Variants in CARD10 observed in about 807,000 individuals in gnomAD.
CARD10 encodes the protein caspase recruitment domain-containing protein 10.
CARD10 carries 49 observed loss-of-function variants against 114.6 expected under a neutral mutation model. The observed-to-expected ratio is 0.43, with a 90% CI of 0.34 to 0.54. The LOEUF is 0.54. CARD10 is among the 20% of genes least tolerant of loss of function. CARD10 has a pLI of 0.03. For missense variants in CARD10, 1,206 were observed against 1,397.2 expected (o/e 0.86, Z 2.18); for synonymous variants, 602 against 593.2 (o/e 1.01, Z -0.21).
At chr22:37,491,904 C>G in intron 18 of CARD10, 37 bp from the exon 19 acceptor site, 1 of 1,420,252 alleles carries the variant, frequency 7.0e-7, no homozygotes, top group Non-Finnish European at 9.9e-7. Context: ...TACTCCTGGG[C>G]CACAGACATC....
chr22:37,518,459 T>G (rs1341829464), intron 1 of CARD10, among the ~76,000 whole-genome samples: 1 of 152,154 alleles, frequency 6.6e-6, no homozygotes, highest in African/African-American at 2.4e-5. Context: ...AATTCCACCA[T>G]TAAAGACCAT....
intron 3 of CARD10, among the ~76,000 whole-genome samples, chr22:37,514,204 T>C (rs1303145475): frequency 6.6e-6 from 1 of 151,706 alleles, no homozygotes; most frequent in Non-Finnish European, 1.5e-5. Flanking sequence ...ATGGGGAAGA[T>C]AGTGTTGTCC....
In CARD10 at chr22:37,518,979, G is replaced by T; in HGVS notation, c.222C>A (p.Arg74=). 6.5e-7 allele frequency: 1 copy of T among 1,546,014 alleles called. No individual in the cohort carries two copies. Among genetic ancestry groups the T allele is most frequent in the Non-Finnish European group, 8.7e-7 (1 of 1,149,110 alleles). The change falls in exon 1 of 20, where the codon CGC becomes CGA. Residue 74 remains arginine (R), a synonymous_variant. Coordinates refer to ENST00000251973, the MANE Select transcript of CARD10 (RefSeq NM_014550.4). ...EVLSTYRFPC[R]VNRTGRLMDI... ...CCCGCGGCTCACCGGTGCGGTTGAC[G>T]CGGCACGGGAAGCGGTAGGTGCTCA...
Position 37,491,453 on chromosome 22 carries a change from G to A in CARD10, c.2865-60C>T. 3.2e-6 allele frequency: 4 copies of A among 1,255,684 alleles called. No homozygotes were observed. In the South Asian group the frequency reaches 4.7e-5, roughly 15 times the overall value. The allele number at this position is 1,255,684 out of a possible 1,614,324, so 77.8% of individuals were successfully genotyped here. On this transcript the variant is annotated intron_variant, in intron 19 of 19. Transcript: ENST00000251973. The stretch of plus-strand genomic sequence containing the variant: ...GGGACCAAGACAGACAGAGAGACAG[G>A]GAGAGAGGGACAGACAAAGGGGGAA...
At chr22:37,517,929 A>C (rs73416266) in intron 2 of CARD10, 42 bp downstream of exon 2, 83,814 of 1,599,080 alleles carry the variant, frequency 0.052, 4,158 homozygotes, top group African/African-American at 0.26. Flanking sequence ...GAGCCTGTGC[A>C]CTGGAGTCCG....
chr22:37,518,917 C>T, intron 1 of CARD10, 49 bp downstream of exon 1: 3 of 1,476,006 alleles, frequency 2.0e-6, no homozygotes, highest in Non-Finnish European at 2.7e-6. Flanking sequence ...CGCTGCGCCC[C>T]AGGGCACGGC....
chr22:37,504,037 T>C, intron 9 of CARD10, 149 bp downstream of exon 9: 3 of 731,960 alleles, frequency 4.1e-6, no homozygotes, highest in Non-Finnish European at 7.5e-6. Context: ...TCACAGGACC[T>C]GGGTTTCCAG....
intron 11 of CARD10, among the ~76,000 whole-genome samples, chr22:37,498,838 G>A (rs1233373379): frequency 1.4e-5 from 2 of 142,948 alleles, no homozygotes; most frequent in Non-Finnish European, 3.0e-5. Context: ...GCTGCTGAGC[G>A]TCAGTTACCA....
At chr22:37,513,747 G>A (rs956567390) in intron 3 of CARD10, among the ~76,000 whole-genome samples, 10 of 152,146 alleles carry the variant, frequency 6.6e-5, no homozygotes, top group Non-Finnish European at 1.3e-4. Flanking sequence ...GGTAAAGAAA[G>A]GGGAGCACTC....
At chr22:37,507,746 T>C (rs1017705203) in intron 6 of CARD10, 83 bp downstream of exon 6, 3 of 1,542,044 alleles carry the variant, frequency 1.9e-6, no homozygotes, top group Admixed American at 3.4e-5. Flanking sequence ...TCTACCATTC[T>C]AGTCCCCTCC....
At chr22:37,507,668 G>A (rs1312412062) in intron 6 of CARD10, among the ~76,000 whole-genome samples, 161 bp downstream of exon 6, 1 of 152,194 alleles carries the variant, frequency 6.6e-6, no homozygotes, top group Non-Finnish European at 1.5e-5. Flanking sequence ...AGGGCTCCAG[G>A]TCTCCTGTCT....
At chr22:37,500,850 T>C (rs558929312) in intron 11 of CARD10, among the ~76,000 whole-genome samples, 6 of 152,174 alleles carry the variant, frequency 3.9e-5, no homozygotes, top group African/African-American at 1.4e-4. Context: ...CGCGAGCATA[T>C]GCTGACATCC....
chr22:37,510,238 G>C lies in CARD10; in HGVS notation c.883C>G (p.Arg295Gly). Residue 295 changes from arginine (R) to glycine (G), a missense_variant, in exon 4 of 20, where the codon CGG becomes GGG. Physicochemically the swap from Arg to Gly is moderately radical, Grantham distance 125. Around this residue, in one of 2 missense-constraint regions of CARD10, gnomAD observed 1,068 missense variants for 1,179.1 expected, o/e 0.91. Coordinates refer to ENST00000251973, the MANE Select transcript of CARD10 (RefSeq NM_014550.4). ...AENQRLTASL[R>G]ELQEGLQQEA... ...TGCTGCAGGCCCTCCTGCAACTCCC[G>C]CAGTGACGCCGTCAGCCGCTGGTTC... 6.2e-7 allele frequency: 1 copy of C among 1,601,262 alleles called. No homozygotes were observed. The highest frequency in any genetic ancestry group is 8.5e-7 in the Non-Finnish European group (1 of 1,179,774).
At position 37,510,236 on chromosome 22, in the gene CARD10, C is replaced by T. The variant is rs1250705321; in HGVS notation, c.885G>A (p.Arg295=). 1 of 1,601,690 alleles carries T rather than the reference C, an allele frequency of 6.2e-7. No individual in the cohort carries two copies. Among genetic ancestry groups the T allele is most frequent in the Non-Finnish European group, 8.5e-7 (1 of 1,179,948 alleles). The change falls in exon 4 of 20, where the codon CGG becomes CGA. Residue 295 remains arginine (R), a synonymous_variant. Transcript: ENST00000251973. ...AENQRLTASL[R]ELQEGLQQEA... ...CCTGCTGCAGGCCCTCCTGCAACTC[C>T]CGCAGTGACGCCGTCAGCCGCTGGT...
intron 2 of CARD10, among the ~76,000 whole-genome samples, chr22:37,517,750 G>A (rs1231993228): frequency 6.6e-6 from 1 of 152,196 alleles, no homozygotes; most frequent in Non-Finnish European, 1.5e-5. Context: ...CGAAGAAAGA[G>A]CCATCTTAAG....
chr22:37,492,531 T>A lies in CARD10; in HGVS notation c.2655A>T (p.Glu885Asp), dbSNP rs1253831714. The A allele has an allele frequency of 6.2e-7, 1 of 1,603,342 alleles. No individual in the cohort carries two copies. The highest frequency in any genetic ancestry group is 8.5e-7 in the Non-Finnish European group (1 of 1,173,710). Reference protein sequence around the residue: ...VCPAESLSGEELCPSSAPGAP... With the variant: ...VCPAESLSGEDLCPSSAPGAP... ...CTCCAGGCGCTGAGGATGGGCACAGTTCCTCCCCAGAGAGGCTTTCTGCAC... is the reference window on the plus strand; with the variant it reads ...CTCCAGGCGCTGAGGATGGGCACAGATCCTCCCCAGAGAGGCTTTCTGCAC... The change falls in exon 18 of 20, where the codon GAA (glutamate) becomes GAT (aspartate). Residue 885 changes from glutamate to aspartate, a missense_variant. By Grantham distance (45) the Glu-to-Asp change is conservative (BLOSUM62 2). Around this residue, in one of 2 missense-constraint regions of CARD10, gnomAD observed 1,068 missense variants for 1,179.1 expected, o/e 0.91. Coordinates refer to ENST00000251973, the MANE Select transcript of CARD10 (RefSeq NM_014550.4). This position sits in a 1 kb window ranked among gnomAD's most constrained non-coding sequence, Gnocchi z 5.7.
intron 11 of CARD10, among the ~76,000 whole-genome samples, chr22:37,499,231 AGCT>A (rs1310752386): frequency 6.6e-6 from 1 of 151,720 alleles, no homozygotes; most frequent in Non-Finnish European, 1.5e-5. Context: ...CAAACGGCCC[AGCT>A]GCTCAGCCGC....
chr22:37,503,578 T>A (rs1297059376), intron 9 of CARD10, among the ~76,000 whole-genome samples: 1 of 152,108 alleles, frequency 6.6e-6, no homozygotes, highest in African/African-American at 2.4e-5. Context: ...GCCTCCTAAA[T>A]TAAACCATGA....
At chr22:37,498,596 G>C (rs995832649) in intron 11 of CARD10, among the ~76,000 whole-genome samples, 31 of 152,216 alleles carry the variant, frequency 2.0e-4, no homozygotes, top group Admixed American at 8.5e-4. Flanking sequence ...GGCACTGCTG[G>C]GGAACAGCCC....
Sources: allele counts gnomAD v4.1 joint callset (sites outside exome capture counted in the v4.1 genomes callset), GRCh38; gene constraint gnomAD v4.1.1; regional missense constraint gnomAD v4.1.1; non-coding constraint Gnocchi (gnomAD v3.1); transcripts MANE v1.5; gene names NCBI Gene and HGNC (gene_info 2026-07-23, HGNC 2026-07-21).